The following PON1 variants were observed in gnomAD, a reference collection of about 807,000 sequenced individuals.
PON1 encodes the protein paraoxonase 1.
PON1 carries 37 observed loss-of-function variants against 39.2 expected under a neutral mutation model. The ratio of observed to expected loss-of-function variants is 0.94; its 90% CI spans 0.73 to 1.24. The LOEUF (loss-of-function observed/expected upper bound fraction) is 1.24. Among genes scored for constraint, PON1 ranks in the 50% most tolerant of loss-of-function variants. The pLI, the probability that PON1 is intolerant of heterozygous loss-of-function variation, is 0.00. For synonymous variants in PON1, 148 were observed against 152.2 expected (o/e 0.97, Z 0.21); for missense variants, 397 against 413.5 (o/e 0.96, Z 0.35).
chr7:95,316,237 G>C (rs756370232), intron 3 of PON1, among the ~76,000 whole-genome samples: 1 of 152,164 alleles, frequency 6.6e-6, no homozygotes, highest in Non-Finnish European at 1.5e-5. Flanking sequence ...TCTATATGCA[G>C]GACAGTTTCA....
At chr7:95,309,646 T>C (rs1807614022) in intron 5 of PON1, among the ~76,000 whole-genome samples, 1 of 152,182 alleles carries the variant, frequency 6.6e-6, no homozygotes, top group Admixed American at 6.5e-5. Flanking sequence ...GGCCACAGCA[T>C]TGTCACTAAA....
At chr7:95,300,865 A>G (rs1351518025) in intron 8 of PON1, among the ~76,000 whole-genome samples, 1 of 152,226 alleles carries the variant, frequency 6.6e-6, no homozygotes, top group Non-Finnish European at 1.5e-5. Flanking sequence ...AGCAACCCTA[A>G]TAGCTAAAAA....
intron 1 of PON1, among the ~76,000 whole-genome samples, chr7:95,324,056 G>T (rs1807958802): frequency 6.6e-6 from 1 of 152,024 alleles, no homozygotes; most frequent in South Asian, 2.1e-4. Flanking sequence ...AAAATATCAG[G>T]AGAACCCCCA....
In PON1 at chr7:95,316,743, G is replaced by A. The variant is rs746727268; in HGVS notation, c.192C>T (p.Phe64=). Residue 64 remains phenylalanine (F), a synonymous_variant, in exon 3 of 9, where the codon TTC becomes TTT. Coordinates refer to ENST00000222381, the MANE Select transcript of PON1 (RefSeq NM_000446.7). ...DLEILPNGLA[F]ISSGLKYPGI... ...GAAAGAAAACACTCACAGAGCTAATGAAAGCCAGTCCATTAGGCAGTATCT... is the reference window on the plus strand; with the variant it reads ...GAAAGAAAACACTCACAGAGCTAATAAAAGCCAGTCCATTAGGCAGTATCT... 16 of 1,613,224 alleles carry A rather than the reference G, an allele frequency of 9.9e-6. No individual in the cohort carries two copies. The highest frequency in any genetic ancestry group is 1.3e-5 in the Non-Finnish European group (15 of 1,179,360).
chr7:95,322,498 C>T (rs1223151423), intron 1 of PON1, among the ~76,000 whole-genome samples: 1 of 152,108 alleles, frequency 6.6e-6, no homozygotes, highest in Non-Finnish European at 1.5e-5. Context: ...GAATCCACAA[C>T]TACTCTCTTC....
chr7:95,311,610 T>TA (rs758608867), intron 4 of PON1, 33 bp from the exon 5 acceptor site: 1 of 1,613,398 alleles, frequency 6.2e-7, no homozygotes, highest in South Asian at 1.1e-5. Context: ...AATGAAACAT[T>TA]AACTAAGCTC....
chr7:95,320,843 C>G (rs971457287), intron 1 of PON1, among the ~76,000 whole-genome samples: 1 of 152,238 alleles, frequency 6.6e-6, no homozygotes, highest in Non-Finnish European at 1.5e-5. Context: ...AGATATATCT[C>G]TGATTCACTA....
At position 95,324,504 on chromosome 7, in the gene PON1, G is replaced by C; in HGVS notation, c.-29C>G. 6.2e-7 allele frequency: 1 copy of C among 1,607,344 alleles called. No homozygotes were observed. Among genetic ancestry groups the C allele is most frequent in the South Asian group, 1.1e-5 (1 of 90,688 alleles). On this transcript the variant is annotated 5_prime_UTR_variant, in exon 1 of 9. Coordinates refer to ENST00000222381, the MANE Select transcript of PON1 (RefSeq NM_000446.7). ...CGGGGATAGACAAAGGGATCGATGG[G>C]CGCAGACACCGACGGGCTAGGAGGC...
chr7:95,300,701 A>G (rs1171274665), intron 8 of PON1, among the ~76,000 whole-genome samples: 1 of 152,216 alleles, frequency 6.6e-6, no homozygotes, highest in Non-Finnish European at 1.5e-5. Context: ...TATTTTCTCC[A>G]GAACAACAAA....
chr7:95,306,420 A>T, intron 6 of PON1, 54 bp from the exon 7 acceptor site: 1 of 1,276,842 alleles, frequency 7.8e-7, no homozygotes, highest in Non-Finnish European at 1.1e-6. Flanking sequence ...AACTTGAGAG[A>T]TTAAGATGAA....
chr7:95,307,175 C>T (rs1261278215), intron 6 of PON1, among the ~76,000 whole-genome samples: 2 of 151,870 alleles, frequency 1.3e-5, no homozygotes, highest in Non-Finnish European at 2.9e-5. Context: ...ATTCTCCTGC[C>T]TGGCCTCCCT....
chr7:95,311,393 A>C (rs1807649731), intron 5 of PON1, 58 bp downstream of exon 5: 2 of 1,603,238 alleles, frequency 1.2e-6, no homozygotes, highest in Non-Finnish European at 1.7e-6. Flanking sequence ...AAAAACTAAA[A>C]GTGGATTAAC....
chr7:95,324,460 C>T lies in PON1; in HGVS notation c.16G>A (p.Ala6Thr). 6.2e-7 allele frequency: 1 copy of T among 1,614,164 alleles called. No homozygotes were observed. Among genetic ancestry groups the T allele is most frequent in the Non-Finnish European group, 8.5e-7 (1 of 1,180,022 alleles). ...AGTCCCATCCCCAAGAGGGTGAGCG[C>T]AATCAGCTTCGCCATGGTCGGGGAT... MAKLIALTLLGMGLAL... is the reference protein window; with the variant it reads MAKLITLTLLGMGLAL... The change falls in exon 1 of 9, where the codon GCG becomes ACG. Residue 6 changes from alanine to threonine, a missense_variant. Transcript: ENST00000222381.
intron 1 of PON1, among the ~76,000 whole-genome samples, chr7:95,320,171 A>G (rs976094922): frequency 6.6e-6 from 1 of 152,204 alleles, no homozygotes; most frequent in African/African-American, 2.4e-5. Context: ...GAAAAACACC[A>G]AGGATAGTCA....
rs181902180 is a variant in PON1 at position 95,309,931 on chromosome 7, G to A, written c.497+1520C>T. Among the ~76,000 whole-genome samples, 94 of 152,194 alleles carry A rather than the reference G, an allele frequency of 6.2e-4. 1 individual carries two copies. Among genetic ancestry groups the A allele is most frequent in the African/African-American group, 2.2e-3 (92 of 41,526 alleles). On this transcript the variant is annotated intron_variant, in intron 5 of 8. Coordinates refer to ENST00000222381, the MANE Select transcript of PON1 (RefSeq NM_000446.7). ...AGAGAGCAGAACTCTAGTTAATTACGGCACCGTGGTTATTTTCAGTCTCCA... is the reference window on the plus strand; with the variant it reads ...AGAGAGCAGAACTCTAGTTAATTACAGCACCGTGGTTATTTTCAGTCTCCA...
In PON1 at chr7:95,306,377, G is replaced by T. The variant is rs769374971; in HGVS notation, c.699-11C>A. ...GCTATATAGACATACCTTCAAAGAAGAAAGAGCTACATCAAAGTACTAGAA... is the reference window on the plus strand; with the variant it reads ...GCTATATAGACATACCTTCAAAGAATAAAGAGCTACATCAAAGTACTAGAA... On this transcript the variant is annotated splice_polypyrimidine_tract_variant and intron_variant, in intron 6 of 8. Transcript: ENST00000222381. 1.3e-6 allele frequency: 2 copies of T among 1,567,798 alleles called. No homozygotes were observed. Among genetic ancestry groups the T allele is most frequent in the South Asian group, 2.2e-5 (2 of 90,062 alleles).
intron 2 of PON1, among the ~76,000 whole-genome samples, chr7:95,317,681 T>A (rs1187519734): frequency 6.6e-6 from 1 of 152,024 alleles, no homozygotes; most frequent in Non-Finnish European, 1.5e-5. Context: ...TGGAACCAGC[T>A]GGAGAGTTGA....
chr7:95,318,091 T>C (rs1807811216), intron 2 of PON1, among the ~76,000 whole-genome samples: 1 of 151,118 alleles, frequency 6.6e-6, no homozygotes, highest in Non-Finnish European at 1.5e-5. Context: ...TTTTCTTTTT[T>C]TTTTTTTTGC....
At chr7:95,299,155 C>A in intron 8 of PON1, 53 bp from the exon 9 acceptor site, 1 of 1,533,830 alleles carries the variant, frequency 6.5e-7, no homozygotes, top group Non-Finnish European at 9.0e-7. Flanking sequence ...CTTAAAACAA[C>A]CTTATGCATA....
Sources: allele counts gnomAD v4.1 joint callset (sites outside exome capture counted in the v4.1 genomes callset), GRCh38; gene constraint gnomAD v4.1.1; transcripts MANE v1.5; gene names NCBI Gene and HGNC (gene_info 2026-07-23, HGNC 2026-07-21).